Variants in PKIB observed in about 807,000 individuals in gnomAD.
The protein encoded by PKIB is cAMP-dependent protein kinase inhibitor beta, also known as PKI-beta.
PKIB carries 2 observed loss-of-function variants against 4.5 expected under a neutral mutation model. The ratio of observed to expected loss-of-function variants is 0.44; its 90% CI spans 0.18 to 1.39. PKIB has a LOEUF of 1.39. PKIB is among the 40% of genes most tolerant of loss of function. The probability of loss-of-function intolerance (pLI) is 0.27; values close to 1 mark genes in which losing one functional copy is unlikely to be tolerated. For missense variants in PKIB, 94 were observed against 92.6 expected (o/e 1.02, Z -0.06); for synonymous variants, 38 against 36.0 (o/e 1.06, Z -0.20).
At chr6:122,539,358 C>G (rs1467327264) in intron 2 of PKIB, among the ~76,000 whole-genome samples, 1 of 152,014 alleles carries the variant, frequency 6.6e-6, no homozygotes, top group Non-Finnish European at 1.5e-5. Flanking sequence ...TACGTCCCAT[C>G]AATACCTAAT....
At chr6:122,511,531 A>C (rs1430510782) in intron 2 of PKIB, among the ~76,000 whole-genome samples, 2 of 152,146 alleles carry the variant, frequency 1.3e-5, no homozygotes, top group Non-Finnish European at 2.9e-5. Flanking sequence ...TTTGGGTCCC[A>C]TGTTGGGTGA....
At chr6:122,718,796 A>C (rs1003027536) in intron 4 of PKIB, among the ~76,000 whole-genome samples, 1 of 152,044 alleles carries the variant, frequency 6.6e-6, no homozygotes, top group African/African-American at 2.4e-5. Context: ...GTTATTTACT[A>C]CCTGGTAAAG....
rs1779930458 is a variant in PKIB, at chr6:122,725,763, T to C, written c.*568T>C. On this transcript the variant is annotated 3_prime_UTR_variant, in exon 5 of 5. Coordinates refer to ENST00000368452, the MANE Select transcript of PKIB (RefSeq NM_181795.3). ...TTTGATAACAGAAACATCTTTAGGA[T>C]ATTTTTGTCTGACATATTTTGCTTC... 6.6e-6 allele frequency: 1 copy of C among 152,240 alleles called. No homozygotes were observed. The highest frequency in any genetic ancestry group is 6.5e-5 in the Admixed American group (1 of 15,276). The allele number at this position is 152,240 out of a possible 1,614,324, so 9.4% of individuals were successfully genotyped here. A position where few individuals can be genotyped will look rare whatever the true frequency, so the allele number is the denominator to read the frequency against.
At chr6:122,638,962 T>C (rs534593084) in intron 2 of PKIB, among the ~76,000 whole-genome samples, 2 of 151,954 alleles carry the variant, frequency 1.3e-5, no homozygotes, top group African/African-American at 4.8e-5. Context: ...TTTTTAAACA[T>C]GTATCTTTAT....
chr6:122,581,541 T>C (rs1471366753), intron 2 of PKIB, among the ~76,000 whole-genome samples: 1 of 152,128 alleles, frequency 6.6e-6, no homozygotes. Context: ...TTAATTTAAA[T>C]AACTTGCCAT....
At chr6:122,704,728 C>CTGTGTGTGTGTG (rs113825379) in intron 3 of PKIB, among the ~76,000 whole-genome samples, 7,686 of 149,220 alleles carry the variant, frequency 0.052, 240 homozygotes, top group Middle Eastern at 0.068. Context: ...GAAATAATAA[C>CTGTGTGTGTGTG]TGTGTGTGTG....
chr6:122,474,535 T>C (rs1262902682), intron 1 of PKIB, among the ~76,000 whole-genome samples: 1 of 152,232 alleles, frequency 6.6e-6, no homozygotes, highest in African/African-American at 2.4e-5. Flanking sequence ...AAACTTTTGA[T>C]CCATATGTGG....
intron 1 of PKIB, among the ~76,000 whole-genome samples, chr6:122,617,196 C>T (rs1775028483): frequency 6.6e-6 from 1 of 152,162 alleles, no homozygotes. Context: ...GGTCAAAGTT[C>T]TACACCTCTG....
At chr6:122,628,709 T>C (rs1428607233) in intron 1 of PKIB, among the ~76,000 whole-genome samples, 1 of 133,254 alleles carries the variant, frequency 7.5e-6, no homozygotes, top group East Asian at 1.9e-4. Flanking sequence ...GTTAGACTTA[T>C]TGCCTGCTAA....
intron 3 of PKIB, among the ~76,000 whole-genome samples, chr6:122,704,986 A>G (rs1047917024): frequency 2.6e-5 from 4 of 152,132 alleles, no homozygotes; most frequent in Non-Finnish European, 4.4e-5. Flanking sequence ...AGCTCAAACA[A>G]TTGAGGCTGC....
intron 2 of PKIB, among the ~76,000 whole-genome samples, chr6:122,655,716 A>G (rs1776751828): frequency 6.6e-6 from 1 of 152,216 alleles, no homozygotes; most frequent in Admixed American, 6.5e-5. Context: ...GGAAAAATAT[A>G]TATTTCTAAA....
chr6:122,697,585 CA>C (rs565845780), intron 3 of PKIB, among the ~76,000 whole-genome samples: 122 of 151,980 alleles, frequency 8.0e-4, no homozygotes, highest in Non-Finnish European at 1.2e-3. Context: ...TGGATGCTCC[CA>C]GGGGGTGTGA....
intron 2 of PKIB, among the ~76,000 whole-genome samples, chr6:122,514,472 G>A (rs955237661): frequency 6.6e-6 from 1 of 152,118 alleles, no homozygotes; most frequent in Non-Finnish European, 1.5e-5. Flanking sequence ...TATTTGAAAA[G>A]CACTTGGAAA....
At chr6:122,547,603 G>T (rs918590303) in intron 2 of PKIB, among the ~76,000 whole-genome samples, 1 of 152,118 alleles carries the variant, frequency 6.6e-6, no homozygotes, top group African/African-American at 2.4e-5. Flanking sequence ...CTCTCAAAGT[G>T]CTGGGATTAC....
intron 1 of PKIB, among the ~76,000 whole-genome samples, chr6:122,611,116 G>T (rs1774735417): frequency 6.6e-6 from 1 of 152,210 alleles, no homozygotes; most frequent in Non-Finnish European, 1.5e-5. Context: ...GATTTTCCCT[G>T]CTCCTAGGAC....
At chr6:122,610,347 C>A (rs575140534), upstream of PKIB, 21 of 152,432 alleles carry the variant, frequency 1.4e-4, no homozygotes, top group African/African-American at 4.6e-4. Flanking sequence ...ACGCGGCGGC[C>A]GCTCCCTCCG....
chr6:122,700,216 A>AT (rs1267525451), intron 3 of PKIB, among the ~76,000 whole-genome samples: 1 of 97,252 alleles, frequency 1.0e-5, no homozygotes, highest in East Asian at 3.2e-4. Flanking sequence ...TATCCAGGAT[A>AT]TTTTTTTCTT....
intron 3 of PKIB, among the ~76,000 whole-genome samples, chr6:122,712,705 G>T (rs986611659): frequency 6.6e-6 from 1 of 152,164 alleles, no homozygotes; most frequent in Non-Finnish European, 1.5e-5. Context: ...GAAGTCTTAG[G>T]TATAAAATGA....
At chr6:122,477,730 A>G (rs1775486541) in intron 1 of PKIB, 1 of 152,102 alleles carries the variant, frequency 6.6e-6, no homozygotes, top group Non-Finnish European at 1.5e-5. Flanking sequence ...TTCTTACCCA[A>G]TTCTCTACAC....
Sources: allele counts gnomAD v4.1 joint callset (sites outside exome capture counted in the v4.1 genomes callset), GRCh38; gene constraint gnomAD v4.1.1; transcripts MANE v1.5; gene names NCBI Gene and HGNC (gene_info 2026-07-23, HGNC 2026-07-21).